Variants in ATG101 observed in about 807,000 individuals in gnomAD.
The protein encoded by ATG101 is autophagy related 101.
Under a neutral mutation model 16.7 loss-of-function variants are expected in ATG101, and 6 were observed. That is an observed-to-expected ratio of 0.36 (90% CI 0.20 to 0.71). The LOEUF is 0.71. Among genes scored for constraint, ATG101 ranks in the 30% least tolerant of loss-of-function variants. The pLI is 0.57. For missense variants in ATG101, 200 were observed against 292.5 expected, an observed-to-expected ratio of 0.68 and a Z score of 2.31; for synonymous variants, 108 against 118.1, an observed-to-expected ratio of 0.91 and a Z score of 0.56.
upstream of ATG101, among the ~76,000 whole-genome samples, chr12:52,067,062 C>T (rs547690657): frequency 1.6e-4 from 24 of 152,214 alleles, no homozygotes; most frequent in African/African-American, 5.3e-4. Context: ...GGATAAGAGG[C>T]AAGGGCTGAA....
chr12:52,076,220 G>A (rs1445572570), intron 3 of ATG101, among the ~76,000 whole-genome samples: 1 of 152,154 alleles, frequency 6.6e-6, no homozygotes, highest in Admixed American at 6.5e-5. Flanking sequence ...GAGTTTACAG[G>A]GGAAGAGGGA....
At chr12:52,073,391 G>A in intron 2 of ATG101, among the ~76,000 whole-genome samples, 184 bp from the exon 3 acceptor site, 1 of 152,204 alleles carries the variant, frequency 6.6e-6, no homozygotes, top group African/African-American at 2.4e-5. Context: ...CCTGTCATTT[G>A]GACTGATAAC....
chr12:52,072,516 CTT>C (rs1939666231), intron 2 of ATG101, among the ~76,000 whole-genome samples: 1 of 152,170 alleles, frequency 6.6e-6, no homozygotes, highest in African/African-American at 2.4e-5. Context: ...CTGTAGTGGT[CTT>C]TAACTGACTT....
At chr12:52,073,214 C>T (rs1346301602) in intron 2 of ATG101, among the ~76,000 whole-genome samples, 4 of 152,236 alleles carry the variant, frequency 2.6e-5, no homozygotes, top group African/African-American at 9.6e-5. Context: ...TTCTTACTCC[C>T]ACCCTGTACT....
upstream of ATG101, among the ~76,000 whole-genome samples, chr12:52,068,806 G>A (rs1405605671): frequency 4.6e-5 from 7 of 151,800 alleles, no homozygotes; most frequent in African/African-American, 1.4e-4. Flanking sequence ...CTAACACGGT[G>A]AAAACCCGTC....
chr12:52,065,522 C>T (rs1312572650), upstream of ATG101, among the ~76,000 whole-genome samples: 1 of 119,866 alleles, frequency 8.3e-6, no homozygotes, highest in Non-Finnish European at 1.6e-5. Context: ...CCCTCCCCTC[C>T]CTGATGGGAC....
At chr12:52,075,889 G>T (rs1390070015) in intron 3 of ATG101, among the ~76,000 whole-genome samples, 3 of 152,216 alleles carry the variant, frequency 2.0e-5, no homozygotes, top group Non-Finnish European at 4.4e-5. Flanking sequence ...ACTGGGTGCA[G>T]TGGCTTGTGA....
upstream of ATG101, among the ~76,000 whole-genome samples, chr12:52,068,415 C>T (rs964773354): frequency 1.3e-5 from 2 of 151,352 alleles, no homozygotes; most frequent in East Asian, 1.9e-4. Flanking sequence ...AATGCAGTGG[C>T]GTGATTATAG....
intron 3 of ATG101, among the ~76,000 whole-genome samples, chr12:52,074,526 C>T (rs1939702946): frequency 6.7e-6 from 1 of 150,322 alleles, no homozygotes; most frequent in Non-Finnish European, 1.5e-5. Context: ...TTTCTTTCTT[C>T]CTTTTTTTTT....
upstream of ATG101, among the ~76,000 whole-genome samples, chr12:52,065,870 A>C (rs1368479803): frequency 6.6e-6 from 1 of 152,130 alleles, no homozygotes; most frequent in Non-Finnish European, 1.5e-5. Flanking sequence ...CGGCAGAAAG[A>C]GAGGGATTGA....
upstream of ATG101, chr12:52,069,146 T>A (rs1939596485): frequency 6.6e-6 from 1 of 152,042 alleles, no homozygotes; most frequent in Admixed American, 6.6e-5. Context: ...AAAATACACT[T>A]GTATTCATAT....
upstream of ATG101, among the ~76,000 whole-genome samples, chr12:52,066,500 C>A (rs78763988): frequency 9.6e-3 from 1,462 of 152,272 alleles, 25 homozygotes; most frequent in African/African-American, 0.033. Flanking sequence ...AGCCCAGAAT[C>A]ATACTTAACC....
intron 3 of ATG101, 73 bp downstream of exon 3, chr12:52,073,975 C>A (rs1383536547): frequency 6.4e-7 from 1 of 1,572,380 alleles, no homozygotes; most frequent in Non-Finnish European, 8.7e-7. Context: ...TGCTCCTCCA[C>A]TCCAGCTTGG....
chr12:52,076,668 G>A (rs890001153), intron 3 of ATG101, 118 bp from the exon 4 acceptor site: 4 of 1,233,844 alleles, frequency 3.2e-6, no homozygotes, highest in Middle Eastern at 2.3e-4. Context: ...TTGTTTCCTT[G>A]CCATGCTTGG....
At chr12:52,066,618 G>C (rs1451557772), upstream of ATG101, among the ~76,000 whole-genome samples, 1 of 152,172 alleles carries the variant, frequency 6.6e-6, no homozygotes, top group Non-Finnish European at 1.5e-5. Flanking sequence ...ATAATATCAA[G>C]TAAATCAGAG....
intron 2 of ATG101, among the ~76,000 whole-genome samples, chr12:52,072,940 T>A (rs1350666601): frequency 1.3e-5 from 2 of 152,050 alleles, no homozygotes; most frequent in African/African-American, 2.4e-5. Context: ...GCCCAGCTAA[T>A]TTTTTATATT....
chr12:52,065,396 G>A (rs1204536627), upstream of ATG101, among the ~76,000 whole-genome samples: 2 of 150,270 alleles, frequency 1.3e-5, no homozygotes, highest in East Asian at 1.9e-4. Context: ...GGCCTGGCAT[G>A]TGGACAGTTC....
upstream of ATG101, chr12:52,069,595 C>G (rs1939604290): frequency 6.6e-6 from 1 of 152,264 alleles, no homozygotes; most frequent in Admixed American, 6.5e-5. Context: ...GTCAGCGTCT[C>G]CCGGCCAGGC....
rs1312227062 is a variant in ATG101, at chr12:52,070,125, C to G, written c.-324C>G. ...TCTCCTGTGCCGGCGTGGGCATCCCCCGGGGCAGTGGAACGCGGGCGCTCC... is the reference window on the plus strand; with the variant it reads ...TCTCCTGTGCCGGCGTGGGCATCCCGCGGGGCAGTGGAACGCGGGCGCTCC... On this transcript the variant is annotated 5_prime_UTR_variant, in exon 1 of 4. Transcript: ENST00000336854. 1 of 152,420 alleles carries G rather than the reference C, an allele frequency of 6.6e-6. No homozygotes were observed. The highest frequency in any genetic ancestry group is 1.5e-5 in the Non-Finnish European group (1 of 68,210). The allele number at this position is 152,420 out of a possible 1,614,324, so 9.4% of individuals were successfully genotyped here.
Sources: allele counts gnomAD v4.1 joint callset (sites outside exome capture counted in the v4.1 genomes callset), GRCh38; gene constraint gnomAD v4.1.1; transcripts MANE v1.5; gene names NCBI Gene and HGNC (gene_info 2026-07-23, HGNC 2026-07-21).